Variants in MYH2 observed in about 807,000 individuals in gnomAD.
The protein encoded by MYH2 is myosin heavy chain 2, also known as myosin-2.
A neutral mutation model predicts 228.1 loss-of-function variants in MYH2; 139 were observed. That is an observed-to-expected ratio of 0.61 (90% CI 0.53 to 0.70). The LOEUF (loss-of-function observed/expected upper bound fraction) is 0.70. MYH2 is among the 30% of genes least tolerant of loss of function. MYH2 has a pLI of 0.00. For synonymous variants in MYH2, 796 were observed against 871.1 expected (o/e 0.91, Z 1.52); for missense variants, 1,809 against 2,357.5 (o/e 0.77, Z 4.82).
At chr17:10,533,721 G>A in intron 19 of MYH2, 89 bp from the exon 20 acceptor site, 4 of 1,496,204 alleles carry the variant, frequency 2.7e-6, no homozygotes, top group African/African-American at 1.4e-5. Flanking sequence ...TTAAAGCAGA[G>A]CTTTAAAAAA....
At position 10,526,784 on chromosome 17, in the gene MYH2, G is replaced by A; in HGVS notation, c.4002C>T (p.Ala1334=). The A allele has an allele frequency of 1.2e-6, 2 of 1,614,236 alleles. No individual in the cohort carries two copies. Among genetic ancestry groups the A allele is most frequent in the East Asian group, 2.2e-5 (1 of 44,886 alleles). Residue 1334 remains alanine, a synonymous_variant, in exon 30 of 40, where the codon GCC becomes GCT. Coordinates refer to ENST00000245503, the MANE Select transcript of MYH2 (RefSeq NM_017534.6). ...QLEEEIKAKN[A]LAHALQSSRH... ...GGGAAGACTGCAGGGCATGCGCCAG[G>A]GCGTTCTTGGCCTATGGAGGCAGTT...
At chr17:10,528,573 A>T (rs574125450) in intron 27 of MYH2, 117 bp downstream of exon 27, 8 of 1,480,914 alleles carry the variant, frequency 5.4e-6, no homozygotes, top group Admixed American at 3.6e-5. Context: ...TTTTGTGCTT[A>T]CTTCCCTGAA....
chr17:10,521,786 T>A (rs1156745036), intron 39 of MYH2, among the ~76,000 whole-genome samples: 4 of 152,094 alleles, frequency 2.6e-5, no homozygotes, highest in Admixed American at 6.6e-5. Context: ...AGATTTTTTT[T>A]ATCATATTAA....
rs142934668 is a variant in MYH2 at position 10,525,303 on chromosome 17, C to T, written c.4583G>A (p.Arg1528His). 4.3e-4 allele frequency: 695 copies of T among 1,614,106 alleles called. 1 individual carries two copies. Among genetic ancestry groups the T allele is most frequent in the Admixed American group, 7.3e-4 (44 of 60,026 alleles). ...CTTTATTTTCTCCAGTTCATGGATA[C>T]GTTTCCCTCCTTCTGCAATCTGTTC... is the stretch of plus-strand genomic sequence containing the variant. ...LTEQIAEGGK[R>H]IHELEKIKKQ... is the part of the protein sequence containing the mutation. Residue 1528 changes from arginine to histidine, a missense_variant, in exon 33 of 40, where the codon CGT becomes CAT. This residue lies in a region of MYH2 where 636 missense variants were observed against 729.9 expected (regional missense o/e 0.87). Coordinates refer to ENST00000245503, the MANE Select transcript of MYH2 (RefSeq NM_017534.6). This position sits in a 1 kb window ranked among gnomAD's most constrained non-coding sequence, Gnocchi z 4.2.
intron 10 of MYH2, among the ~76,000 whole-genome samples, chr17:10,542,404 G>A (rs74507854): frequency 6.7e-4 from 102 of 152,292 alleles, no homozygotes; most frequent in African/African-American, 2.3e-3. Context: ...TGTAAAGAGG[G>A]TATGGTTAAG....
chr17:10,539,524 CAG>C lies in MYH2; in HGVS notation c.1184_1185del (p.Ser395CysfsTer17). 1 of 1,614,126 alleles carries C rather than the reference CAG, an allele frequency of 6.2e-7. No individual in the cohort carries two copies. The highest frequency in any genetic ancestry group is 8.5e-7 in the Non-Finnish European group (1 of 1,180,032). ...DKAAYLQSLN[S>X]ADLLKALCYP... Reference sequence around the variant, plus strand: ...TAGCAGAGAGCTTTGAGCAGATCTGCAGAGTTCAGACTCTGGAGGTAGGCCGC... The same window carrying C: ...TAGCAGAGAGCTTTGAGCAGATCTGCAGTTCAGACTCTGGAGGTAGGCCGC... On this transcript the variant is annotated frameshift_variant, in exon 13 of 40. Coordinates refer to ENST00000245503, the MANE Select transcript of MYH2 (RefSeq NM_017534.6). LOFTEE classifies it high-confidence loss of function.
At chr17:10,523,465 G>A (rs1375214941) in intron 37 of MYH2, 31 bp downstream of exon 37, 3 of 1,614,098 alleles carry the variant, frequency 1.9e-6, no homozygotes, top group African/African-American at 2.7e-5. Flanking sequence ...ACTGAAAGCA[G>A]ATGGAAATAG....
At position 10,539,439 on chromosome 17, in the gene MYH2, C is replaced by T. The variant is rs758217131; in HGVS notation, c.1266+5G>A. The T allele has an allele frequency of 2.8e-5, 45 of 1,613,960 alleles. No individual in the cohort carries two copies. The South Asian group carries it at 3.5e-4, about 13-fold the overall frequency. On this transcript the variant is annotated splice_donor_5th_base_variant and intron_variant, in intron 13 of 39. Transcript: ENST00000245503. Reference sequence around the variant, plus strand: ...CCTGGCAGTTAATTTGAATTATGCACCTACCTGTTCTACAGTCTGGCCTTT... The same window carrying T: ...CCTGGCAGTTAATTTGAATTATGCATCTACCTGTTCTACAGTCTGGCCTTT...
chr17:10,526,184 T>C (rs2073350397), intron 30 of MYH2, among the ~76,000 whole-genome samples: 1 of 152,132 alleles, frequency 6.6e-6, no homozygotes, highest in Non-Finnish European at 1.5e-5. Context: ...AAATAAATGG[T>C]GGGCAACTAC....
Position 10,525,957 on chromosome 17 carries a change from T to G in MYH2, c.4188-81A>C. 6.9e-7 allele frequency: 1 copy of G among 1,456,734 alleles called. No individual in the cohort carries two copies. The highest frequency in any genetic ancestry group is 9.5e-7 in the Non-Finnish European group (1 of 1,057,878). The allele number at this position is 1,456,734 out of a possible 1,614,324, so 90.2% of individuals were successfully genotyped here. A position where few individuals can be genotyped will look rare whatever the true frequency, so the allele number is the denominator to read the frequency against. The stretch of plus-strand genomic sequence containing the variant: ...TATTGCCACACACGCTGAAGAGTGT[T>G]AGAAACTTCACATTAATGCTGCCCA... On this transcript the variant is annotated intron_variant, in intron 30 of 39. Transcript: ENST00000245503. The surrounding 1 kb of genome is among the most constrained non-coding windows in gnomAD (Gnocchi z 4.2).
chr17:10,539,801 G>T, intron 12 of MYH2, 127 bp downstream of exon 12: 2 of 1,366,260 alleles, frequency 1.5e-6, no homozygotes, highest in South Asian at 1.2e-5. Flanking sequence ...CATTATTTAG[G>T]TATACAGATA....
chr17:10,543,108 A>G lies in MYH2; in HGVS notation c.795T>C (p.Asp265=), dbSNP rs2073578454. ...FGTTGKLASA[D]IETYLLEKSR... ...TATCTGAACACTTACATGTTTCAAT[A>G]TCAGCAGATGCCAGTTTTCCAGTAG... is the stretch of plus-strand genomic sequence containing the variant. Residue 265 remains aspartate (D), a synonymous_variant, in exon 9 of 40, where the codon GAT becomes GAC. Coordinates refer to ENST00000245503, the MANE Select transcript of MYH2 (RefSeq NM_017534.6). The G allele has an allele frequency of 1.9e-6, 3 of 1,612,360 alleles. No individual in the cohort carries two copies. The South Asian group carries it at 3.3e-5, about 18-fold the overall frequency.
At chr17:10,530,680 A>G (rs1382245327) in intron 22 of MYH2, among the ~76,000 whole-genome samples, 1 of 152,216 alleles carries the variant, frequency 6.6e-6, no homozygotes, top group Non-Finnish European at 1.5e-5. Flanking sequence ...AGACACTGGA[A>G]TATATACTCA....
Position 10,533,311 on chromosome 17 carries a change from C to T in MYH2, c.2415G>A (p.Val805=). The change falls in exon 21 of 40, where the codon GTG becomes GTA. Residue 805 remains valine, a synonymous_variant. Coordinates refer to ENST00000245503, the MANE Select transcript of MYH2 (RefSeq NM_017534.6). The stretch of plus-strand genomic sequence containing the variant: ...TTCTCTCCACCATCCTCTGGTACTC[C>T]ACTCTTGCCAAGAACCCTCTGCACC... ...QARCRGFLAR[V]EYQRMVERRE... 2 of 1,614,098 alleles carry T rather than the reference C, an allele frequency of 1.2e-6. No homozygotes were observed. The highest frequency in any genetic ancestry group is 2.2e-5 in the South Asian group (2 of 91,064).
In MYH2 at chr17:10,528,572, T is replaced by A; in HGVS notation, c.3744+118A>T. On this transcript the variant is annotated intron_variant, in intron 27 of 39. Transcript: ENST00000245503. ...ATAAAAAATGCTGATTTTTTGTGCT[T>A]ACTTCCCTGAATTACTGCAGTTAAC... 3.4e-6 allele frequency: 5 copies of A among 1,487,206 alleles called. No homozygotes were observed. The South Asian group carries it at 5.9e-5, about 17-fold the overall frequency. 92.1% of individuals were successfully genotyped at this position (1,487,206 alleles called of 1,614,324 possible).
rs1319516994 is a variant in MYH2 at position 10,529,948 on chromosome 17, G to T, written c.2824C>A (p.Leu942Met). ...TCCAGTTTCCTCTTCTTGGCTGTCA[G>T]CTCAGCATTGATCTCTTCCTCATCC... ...AEDEEEINAELTAKKRKLEDE... is the reference protein window; with the variant it reads ...AEDEEEINAEMTAKKRKLEDE... Residue 942 changes from leucine to methionine, a missense_variant, in exon 23 of 40, where the codon CTG (leucine) becomes ATG (methionine). By Grantham distance (15) the Leu-to-Met change is conservative. Around this residue, in one of 9 missense-constraint regions of MYH2, gnomAD observed 43 missense variants for 89.2 expected, o/e 0.48. Transcript: ENST00000245503. The T allele has an allele frequency of 6.2e-7, 1 of 1,613,514 alleles. No individual in the cohort carries two copies. The highest frequency in any genetic ancestry group is 2.2e-5 in the East Asian group (1 of 44,880).
chr17:10,529,291 A>C, intron 25 of MYH2, 39 bp from the exon 26 acceptor site: 2 of 1,614,026 alleles, frequency 1.2e-6, no homozygotes, highest in Non-Finnish European at 1.7e-6. Context: ...TTTAGTCCGT[A>C]TCTAATGTTG....
At position 10,527,782 on chromosome 17, in the gene MYH2, C is replaced by T. The variant is rs1139432; in HGVS notation, c.3837G>A (p.Leu1279=). The T allele has an allele frequency of 8.1e-6, 13 of 1,614,000 alleles. No individual in the cohort carries two copies. The highest frequency in any genetic ancestry group is 1.1e-5 in the Non-Finnish European group (13 of 1,180,034). The change falls in exon 28 of 40, where the codon CTG becomes CTA. Residue 1279 remains leucine, a synonymous_variant. Coordinates refer to ENST00000245503, the MANE Select transcript of MYH2 (RefSeq NM_017534.6). ...EEEQQRLIND[L]TAQRGRLQTE... is the part of the protein sequence containing the mutation. ...TCTGCAGGCGCCCCCTCTGCGCAGTCAGGTCATTGATCAGCCGCTGCTGCT... is the reference window on the plus strand; with the variant it reads ...TCTGCAGGCGCCCCCTCTGCGCAGTTAGGTCATTGATCAGCCGCTGCTGCT...
chr17:10,526,007 T>C lies in MYH2; in HGVS notation c.4188-131A>G, dbSNP rs930719298. On this transcript the variant is annotated intron_variant, in intron 30 of 39. Transcript: ENST00000245503. ...AGCCACCTTTCATTCTTTCAACAAATATTGATGAGCCCCTTTTATGAACCA... is the reference window on the plus strand; with the variant it reads ...AGCCACCTTTCATTCTTTCAACAAACATTGATGAGCCCCTTTTATGAACCA... The C allele has an allele frequency of 7.6e-6, 8 of 1,051,900 alleles. No homozygotes were observed. The African/African-American group carries it at 1.1e-4, about 15-fold the overall frequency. The allele number at this position is 1,051,900 out of a possible 1,614,324, so 65.2% of individuals were successfully genotyped here. A position where few individuals can be genotyped will look rare whatever the true frequency, so the allele number is the denominator to read the frequency against.
Sources: gnomAD v4.1 joint callset for allele counts (sites outside exome capture counted in the v4.1 genomes callset) on GRCh38, gnomAD v4.1.1 for gene constraint, gnomAD v4.1.1 regional missense constraint, Gnocchi (gnomAD v3.1) non-coding constraint, MANE v1.5 for transcripts, NCBI Gene and HGNC (gene_info 2026-07-23, HGNC 2026-07-21) for gene names.